GPHN: variants seen among roughly 807,000 people sequenced by gnomAD.
GPHN encodes the protein gephyrin.
In GPHN, 17 loss-of-function variants were observed where a neutral mutation model predicts 95.5. That is an observed-to-expected ratio of 0.18 (90% CI 0.12 to 0.27). GPHN has a LOEUF of 0.27. Ranked by LOEUF, GPHN falls within the 10% of genes least tolerant of loss-of-function variation. The probability of loss-of-function intolerance (pLI) is 1.00; values close to 1 mark genes in which losing one functional copy is unlikely to be tolerated. For missense variants in GPHN, 660 were observed against 978.1 expected (o/e 0.67, Z 4.34); for synonymous variants, 320 against 322.5 (o/e 0.99, Z 0.08).
the GPHN span, among the ~76,000 whole-genome samples, chr14:67,716,142 G>A: frequency 4.6e-5 from 7 of 151,422 alleles, no homozygotes; most frequent in Non-Finnish European, 8.8e-5. Context: ...GCTTGCAGTG[G>A]GCCGAGATCA....
chr14:67,192,996 CTCTA>C, the GPHN span, among the ~76,000 whole-genome samples: 1 of 144,340 alleles, frequency 6.9e-6, no homozygotes, highest in African/African-American at 2.5e-5. Context: ...CTCTATATAT[CTCTA>C]TATATCAATA....
chr14:66,726,655 G>A (rs1055307218), intron 2 of GPHN, among the ~76,000 whole-genome samples: 1 of 152,000 alleles, frequency 6.6e-6, no homozygotes, highest in African/African-American at 2.4e-5. Flanking sequence ...TTTCATAAAA[G>A]CAGTTATCAG....
intron 3 of GPHN, among the ~76,000 whole-genome samples, chr14:66,782,503 C>A (rs1269879741): frequency 6.6e-6 from 1 of 152,036 alleles, no homozygotes; most frequent in African/African-American, 2.4e-5. Flanking sequence ...ACTAAAAATG[C>A]CTAGGCATTA....
the GPHN span, chr14:67,364,642 G>A: frequency 1.1e-6 from 1 of 950,358 alleles, no homozygotes; most frequent in East Asian, 2.8e-5. Context: ...CAAAGGATGA[G>A]AAGACTAAGA....
At chr14:67,265,413 C>G in the GPHN span, among the ~76,000 whole-genome samples, 41 of 152,004 alleles carry the variant, frequency 2.7e-4, no homozygotes. Flanking sequence ...CAAAAAGTAG[C>G]TGGATGGTGG....
chr14:67,691,127 C>T, the GPHN span: 1 of 1,588,192 alleles, frequency 6.3e-7, no homozygotes, highest in Non-Finnish European at 8.6e-7. Context: ...TGTGATAAGG[C>T]CAGATTTCTT....
intron 1 of GPHN, among the ~76,000 whole-genome samples, chr14:66,606,693 T>C (rs117867103): frequency 0.019 from 2,921 of 152,294 alleles, 44 homozygotes; most frequent in Middle Eastern, 0.034. Context: ...TTCACCTCTT[T>C]GGTTAGATGT....
intron 1 of GPHN, among the ~76,000 whole-genome samples, chr14:66,579,332 G>A (rs911558844): frequency 2.0e-5 from 3 of 151,550 alleles, no homozygotes; most frequent in African/African-American, 4.8e-5. Context: ...GAACAAAATG[G>A]CAGTTGTATG....
intron 8 of GPHN, among the ~76,000 whole-genome samples, chr14:66,942,436 C>T (rs2067480208): frequency 6.6e-6 from 1 of 152,128 alleles, no homozygotes; most frequent in African/African-American, 2.4e-5. Flanking sequence ...CATTTGAGAG[C>T]ACCTGTTAGA....
At chr14:67,473,915 A>T in the GPHN span, 1 of 1,603,064 alleles carries the variant, frequency 6.2e-7, no homozygotes, top group Non-Finnish European at 8.5e-7. The surrounding 1 kb of genome is among the most constrained non-coding windows in gnomAD (Gnocchi z 6.5). Context: ...GGGGCTCGGC[A>T]GACGCCATGG....
At chr14:67,464,261 A>G in the GPHN span, among the ~76,000 whole-genome samples, 1 of 152,190 alleles carries the variant, frequency 6.6e-6, no homozygotes, top group Non-Finnish European at 1.5e-5. Context: ...CTGAGAGAAC[A>G]GGATGGAGGC....
chr14:66,816,676 C>G (rs1354173902), intron 3 of GPHN, among the ~76,000 whole-genome samples: 1 of 152,134 alleles, frequency 6.6e-6, no homozygotes, highest in Non-Finnish European at 1.5e-5. Context: ...AAATTTATAG[C>G]ACTAAATGCC....
chr14:66,641,647 T>C (rs1369502822), intron 1 of GPHN, among the ~76,000 whole-genome samples: 1 of 143,248 alleles, frequency 7.0e-6, no homozygotes, highest in African/African-American at 2.6e-5. Context: ...ATAGAACAAG[T>C]AGATGACAAA....
At position 67,089,115 on chromosome 14, in the gene GPHN, A is replaced by ATTTTT. The variant is rs371624615; in HGVS notation, c.1237+45_1237+49dup. On this transcript the variant is annotated intron_variant, in intron 12 of 22. Transcript: ENST00000478722. ...TTTCTTAAACATAATCAGGCACTGT[A>ATTTTT]TTTTTTTTTCTTTTTTTCTTTTTTT... 149 of 363,104 alleles carry ATTTTT rather than the reference A, an allele frequency of 4.1e-4. 1 individual carries two copies. The highest frequency in any genetic ancestry group is 5.8e-4 in the Non-Finnish European group (108 of 186,942). 22.5% of individuals were successfully genotyped at this position (363,104 alleles called of 1,614,324 possible).
the GPHN span, chr14:67,576,000 GA>G: frequency 1.2e-6 from 2 of 1,610,614 alleles, no homozygotes; most frequent in South Asian, 2.2e-5. Flanking sequence ...CACCAAGCAT[GA>G]AAAGGTAAGG....
chr14:67,213,860 ACTGG>A, the GPHN span, among the ~76,000 whole-genome samples: 1 of 152,272 alleles, frequency 6.6e-6, no homozygotes, highest in East Asian at 1.9e-4. Flanking sequence ...TGCCATTCTA[ACTGG>A]TGTGAGATGG....
chr14:67,556,416 G>T, the GPHN span, among the ~76,000 whole-genome samples: 2 of 152,128 alleles, frequency 1.3e-5, no homozygotes, highest in Non-Finnish European at 2.9e-5. Flanking sequence ...GATTACAGGC[G>T]TGAGCCACTG....
intron 1 of GPHN, among the ~76,000 whole-genome samples, chr14:66,629,212 TATACATATATAA>T (rs1221740723): frequency 4.2e-4 from 60 of 142,838 alleles, no homozygotes; most frequent in African/African-American, 1.4e-3. Flanking sequence ...TATATATTTA[TATACATATATAA>T]ATATGTATAT....
the GPHN span, among the ~76,000 whole-genome samples, chr14:67,231,985 A>T: frequency 1.3e-5 from 2 of 151,774 alleles, no homozygotes; most frequent in African/African-American, 2.4e-5. Flanking sequence ...AAAAAAAAAA[A>T]ATTAACATGA....
Sources: gnomAD v4.1 joint callset for allele counts (sites outside exome capture counted in the v4.1 genomes callset) on GRCh38, gnomAD v4.1.1 for gene constraint, Gnocchi (gnomAD v3.1) non-coding constraint, MANE v1.5 for transcripts, NCBI Gene and HGNC (gene_info 2026-07-23, HGNC 2026-07-21) for gene names.